Variants in SNX29 observed in about 807,000 individuals in gnomAD.
SNX29 encodes the protein sorting nexin 29.
In SNX29, 78 loss-of-function variants were observed where a neutral mutation model predicts 102.1. The observed-to-expected ratio is 0.76, with a 90% CI of 0.64 to 0.92. SNX29 has a LOEUF of 0.92. Ranked by LOEUF, SNX29 falls within the 40% of genes least tolerant of loss-of-function variation. SNX29 has a pLI of 0.00. For missense variants in SNX29, 1,280 were observed against 1,061.7 expected, an observed-to-expected ratio of 1.21 and a Z score of -2.86; for synonymous variants, 580 against 414.5, an observed-to-expected ratio of 1.40 and a Z score of -4.85.
chr16:12,436,916 G>T (rs1321218537), intron 18 of SNX29, among the ~76,000 whole-genome samples: 1 of 152,168 alleles, frequency 6.6e-6, no homozygotes, highest in Non-Finnish European at 1.5e-5. Flanking sequence ...GCCTCCCAAA[G>T]TGCTGGGATT....
chr16:12,266,833 A>T (rs2078943160), intron 14 of SNX29, among the ~76,000 whole-genome samples: 1 of 152,020 alleles, frequency 6.6e-6, no homozygotes, highest in African/African-American at 2.4e-5. Flanking sequence ...GCACAATCTC[A>T]GCTCACTCCA....
chr16:12,069,976 A>T (rs2051222338), intron 10 of SNX29, among the ~76,000 whole-genome samples: 1 of 152,028 alleles, frequency 6.6e-6, no homozygotes, highest in Admixed American at 6.5e-5. Flanking sequence ...CCGGCCTGTT[A>T]TTTTCTTAAT....
chr16:12,406,405 C>T (rs1315516894), intron 18 of SNX29, among the ~76,000 whole-genome samples: 1 of 152,192 alleles, frequency 6.6e-6, no homozygotes, highest in African/African-American at 2.4e-5. Flanking sequence ...TAGACAATCC[C>T]CATCTACATT....
chr16:12,262,765 G>A (rs1410945376), intron 14 of SNX29, among the ~76,000 whole-genome samples: 1 of 152,184 alleles, frequency 6.6e-6, no homozygotes, highest in Admixed American at 6.5e-5. Flanking sequence ...AATGCAGATG[G>A]CATTCACAAA....
intron 13 of SNX29, among the ~76,000 whole-genome samples, chr16:12,179,966 A>G (rs2076345240): frequency 6.6e-6 from 1 of 152,122 alleles, no homozygotes; most frequent in Non-Finnish European, 1.5e-5. Context: ...TTCCGTCAGT[A>G]TTTTCAGGTA....
intron 19 of SNX29, among the ~76,000 whole-genome samples, chr16:12,495,082 G>A (rs904755590): frequency 6.6e-6 from 1 of 152,226 alleles, no homozygotes; most frequent in Non-Finnish European, 1.5e-5. Flanking sequence ...TGCACATGCA[G>A]TTCCTTTAGG....
At chr16:12,068,434 G>A (rs2151297363) in intron 9 of SNX29, among the ~76,000 whole-genome samples, 1 of 149,078 alleles carries the variant, frequency 6.7e-6, no homozygotes, top group African/African-American at 2.5e-5. Context: ...GCTGCAGTGA[G>A]CCGTGATCAC....
intron 1 of SNX29, among the ~76,000 whole-genome samples, chr16:11,986,786 C>T (rs1429557955): frequency 6.6e-6 from 1 of 152,156 alleles, no homozygotes; most frequent in African/African-American, 2.4e-5. Flanking sequence ...CTGGTCTCAG[C>T]CTCAAGTATT....
intron 16 of SNX29, among the ~76,000 whole-genome samples, chr16:12,376,636 G>A (rs759724765): frequency 4.6e-5 from 7 of 150,624 alleles, no homozygotes; most frequent in South Asian, 2.1e-4. Flanking sequence ...CTCAGGAGGC[G>A]GAGGCAGGGA....
chr16:12,043,080 A>T lies in SNX29; in HGVS notation c.428+3A>T. The T allele has an allele frequency of 6.2e-7, 1 of 1,613,026 alleles. No homozygotes were observed. Among genetic ancestry groups the T allele is most frequent in the Non-Finnish European group, 8.5e-7 (1 of 1,179,786 alleles). The stretch of plus-strand genomic sequence containing the variant: ...CTGGCCGACCGCTGCAGGCTGAGGT[A>T]CGTGGCCGGGATGCGAACTGGGATG... On this transcript the variant is annotated splice_donor_region_variant and intron_variant, in intron 5 of 20. Coordinates refer to ENST00000566228, the MANE Select transcript of SNX29 (RefSeq NM_032167.5).
chr16:12,565,680 C>A (rs919713537), intron 20 of SNX29, among the ~76,000 whole-genome samples: 1 of 152,172 alleles, frequency 6.6e-6, no homozygotes, highest in Non-Finnish European at 1.5e-5. Flanking sequence ...CCGAGCTAAC[C>A]CTGCCTTCCA....
At chr16:12,552,927 C>T (rs890180775) in intron 20 of SNX29, among the ~76,000 whole-genome samples, 1 of 152,236 alleles carries the variant, frequency 6.6e-6, no homozygotes, top group East Asian at 1.9e-4. Flanking sequence ...CTGATTGCTC[C>T]TGGCCTTATA....
chr16:12,436,384 C>T (rs1163147081), intron 18 of SNX29, among the ~76,000 whole-genome samples: 1 of 152,268 alleles, frequency 6.6e-6, no homozygotes, highest in South Asian at 2.1e-4. Flanking sequence ...AGCTTGGCGT[C>T]AGTGCGATGC....
intron 3 of SNX29, among the ~76,000 whole-genome samples, chr16:12,012,888 G>A (rs1596589514): frequency 6.6e-6 from 1 of 152,078 alleles, no homozygotes; most frequent in Non-Finnish European, 1.5e-5. Context: ...CCCTAAAATC[G>A]TGTCATGTAC....
chr16:12,154,148 AC>A (rs2055427054), intron 13 of SNX29, among the ~76,000 whole-genome samples: 1 of 151,906 alleles, frequency 6.6e-6, no homozygotes, highest in African/African-American at 2.4e-5. Flanking sequence ...CTCCCCACCG[AC>A]CCCACCTCTT....
chr16:12,031,392 C>T (rs1457049771), intron 4 of SNX29, among the ~76,000 whole-genome samples: 1 of 152,052 alleles, frequency 6.6e-6, no homozygotes, highest in Non-Finnish European at 1.5e-5. Flanking sequence ...TTTTGAACAG[C>T]TCTCCTAGTT....
At chr16:12,181,654 G>A (rs1028092352) in intron 13 of SNX29, among the ~76,000 whole-genome samples, 1 of 151,666 alleles carries the variant, frequency 6.6e-6, no homozygotes, top group Admixed American at 6.6e-5. Flanking sequence ...TGCGGGGAGG[G>A]GGCTGCCGGT....
intron 20 of SNX29, among the ~76,000 whole-genome samples, chr16:12,547,834 CCA>C (rs999435396): frequency 2.0e-5 from 3 of 152,172 alleles, no homozygotes; most frequent in East Asian, 1.9e-4. Context: ...TTACTGAGCC[CCA>C]GATTCCAAAC....
intron 11 of SNX29, among the ~76,000 whole-genome samples, chr16:12,111,906 G>C (rs193017248): frequency 4.0e-5 from 6 of 151,678 alleles, no homozygotes; most frequent in Non-Finnish European, 8.8e-5. Context: ...GGTGTGTGGT[G>C]GGGGGTCTAG....
Sources: gnomAD v4.1 joint callset for allele counts (sites outside exome capture counted in the v4.1 genomes callset) on GRCh38, gnomAD v4.1.1 for gene constraint, MANE v1.5 for transcripts, NCBI Gene and HGNC (gene_info 2026-07-23, HGNC 2026-07-21) for gene names.